ATP8B1: variants seen among roughly 807,000 people sequenced by gnomAD.
ATP8B1 encodes ATPase phospholipid transporting 8B1, also known as phospholipid-transporting ATPase IC.
ATP8B1 carries 80 observed loss-of-function variants against 149.9 expected under a neutral mutation model. The observed-to-expected ratio is 0.53, with a 90% CI of 0.45 to 0.64. The LOEUF is 0.64. ATP8B1 is among the 30% of genes least tolerant of loss of function. The probability of loss-of-function intolerance (pLI) is 0.00; values close to 1 mark genes in which losing one functional copy is unlikely to be tolerated. For missense variants in ATP8B1, 1,247 were observed against 1,552.6 expected (o/e 0.80, Z 3.31); for synonymous variants, 536 against 562.8 (o/e 0.95, Z 0.67).
rs187369274 is a variant in ATP8B1, at chr18:57,667,435, C to T, written c.2210-268G>A. The T allele has an allele frequency of 1.1e-4, 51 of 449,452 alleles. No individual in the cohort carries two copies. In the Admixed American group the frequency reaches 1.4e-3, roughly 13 times the overall value. The allele number at this position is 449,452 out of a possible 1,614,324, so 27.8% of individuals were successfully genotyped here. On this transcript the variant is annotated intron_variant, in intron 19 of 27. Coordinates refer to ENST00000648908, the MANE Select transcript of ATP8B1 (RefSeq NM_001374385.1). ...TAGAGATGGGGTTTTGTCATGTTTG[C>T]CAGGCTCATTCTTACTGTTGAACTG...
chr18:57,743,663 C>T (rs182251472), intron 1 of ATP8B1, among the ~76,000 whole-genome samples: 2 of 152,140 alleles, frequency 1.3e-5, no homozygotes, highest in East Asian at 1.9e-4. Flanking sequence ...GGCCCAGCAC[C>T]GGCGCAGGTG....
At chr18:57,680,757 C>T (rs1311798645) in intron 15 of ATP8B1, among the ~76,000 whole-genome samples, 1 of 152,074 alleles carries the variant, frequency 6.6e-6, no homozygotes, top group Non-Finnish European at 1.5e-5. Context: ...AGACCCCATA[C>T]TAATGCAAAC....
chr18:57,766,386 T>C (rs1269309729), intron 1 of ATP8B1, among the ~76,000 whole-genome samples: 1 of 152,114 alleles, frequency 6.6e-6, no homozygotes, highest in Non-Finnish European at 1.5e-5. Flanking sequence ...TTTAAACTGA[T>C]TTCAACTAAA....
intron 1 of ATP8B1, among the ~76,000 whole-genome samples, chr18:57,796,236 A>G (rs918430171): frequency 6.6e-6 from 1 of 152,190 alleles, no homozygotes; most frequent in Non-Finnish European, 1.5e-5. Flanking sequence ...ATCATAAGGA[A>G]CCTCTCCTCC....
chr18:57,747,030 T>C (rs2079970376), intron 1 of ATP8B1, among the ~76,000 whole-genome samples: 1 of 152,214 alleles, frequency 6.6e-6, no homozygotes, highest in South Asian at 2.1e-4. Flanking sequence ...TGAAATGTAG[T>C]CTGGGTCCAC....
At chr18:57,738,576 G>A (rs1485288413) in intron 1 of ATP8B1, among the ~76,000 whole-genome samples, 2 of 151,996 alleles carry the variant, frequency 1.3e-5, no homozygotes, top group Admixed American at 6.6e-5. Context: ...CTGAGATCGC[G>A]CCATTGCACT....
At chr18:57,718,211 T>C (rs2079603875) in intron 2 of ATP8B1, among the ~76,000 whole-genome samples, 1 of 151,358 alleles carries the variant, frequency 6.6e-6, no homozygotes, top group Non-Finnish European at 1.5e-5. Context: ...CAAAGATCAT[T>C]AGTGGCTACT....
At chr18:57,683,110 G>T (rs1353074365) in intron 15 of ATP8B1, among the ~76,000 whole-genome samples, 1 of 152,160 alleles carries the variant, frequency 6.6e-6, no homozygotes, top group African/African-American at 2.4e-5. Context: ...TTACAGGTGT[G>T]AGCCACCAAG....
intron 27 of ATP8B1, among the ~76,000 whole-genome samples, chr18:57,648,933 T>C (rs1434039735): frequency 6.6e-6 from 1 of 151,818 alleles, no homozygotes; most frequent in Non-Finnish European, 1.5e-5. Flanking sequence ...AGTCTCGCTC[T>C]GTCACCCAGA....
At chr18:57,701,777 C>G (rs1436211718) in intron 4 of ATP8B1, among the ~76,000 whole-genome samples, 4 of 151,438 alleles carry the variant, frequency 2.6e-5, no homozygotes, top group Non-Finnish European at 4.4e-5. Context: ...CTCAATGCAA[C>G]CTCCGCCTCC....
chr18:57,688,312 G>A lies in ATP8B1; in HGVS notation c.1416C>T (p.Asn472=), dbSNP rs145364328. 9 of 1,614,016 alleles carry A rather than the reference G, an allele frequency of 5.6e-6. No homozygotes were observed. The highest frequency in any genetic ancestry group is 2.7e-5 in the African/African-American group (2 of 75,026). Residue 472 remains asparagine (N), a synonymous_variant, in exon 13 of 28, where the codon AAC becomes AAT. Coordinates refer to ENST00000648908, the MANE Select transcript of ATP8B1 (RefSeq NM_001374385.1). ...GCTTCCACTTACCATATATCTGCCC[G>A]TTGATACAGCACTTTTTAAAGGTCA... is the stretch of plus-strand genomic sequence containing the variant. ...NIMTFKKCCI[N]GQIYGDHRDA...
intron 12 of ATP8B1, among the ~76,000 whole-genome samples, chr18:57,690,756 A>G (rs772136989): frequency 1.7e-4 from 26 of 152,190 alleles, no homozygotes; most frequent in Non-Finnish European, 3.7e-4. Flanking sequence ...TGTGATTCCT[A>G]TGTCTCTGGG....
intron 25 of ATP8B1, 132 bp from the exon 26 acceptor site, chr18:57,652,304 A>G: frequency 6.9e-7 from 1 of 1,440,684 alleles, no homozygotes; most frequent in Non-Finnish European, 9.6e-7. Flanking sequence ...CAGAAACTAA[A>G]CCATCCTTGA....
intron 1 of ATP8B1, among the ~76,000 whole-genome samples, chr18:57,763,108 T>C (rs2080172263): frequency 1.3e-5 from 2 of 152,092 alleles, no homozygotes; most frequent in African/African-American, 2.4e-5. Context: ...AAAATTGTAC[T>C]CTAGGCCGGG....
chr18:57,668,919 G>C, intron 18 of ATP8B1: 1 of 205,994 alleles, frequency 4.9e-6, no homozygotes, highest in Non-Finnish European at 9.6e-6. Context: ...CAAAAACTAT[G>C]TATTAAATTT....
chr18:57,749,547 T>A (rs1708462794), intron 1 of ATP8B1, among the ~76,000 whole-genome samples: 1 of 152,218 alleles, frequency 6.6e-6, no homozygotes, highest in Non-Finnish European at 1.5e-5. Context: ...TTCAACATGT[T>A]ACCAACCTGA....
chr18:57,800,053 A>G (rs973319771), intron 1 of ATP8B1, among the ~76,000 whole-genome samples: 2 of 152,246 alleles, frequency 1.3e-5, no homozygotes, highest in African/African-American at 4.8e-5. Flanking sequence ...CTGAATGTCA[A>G]CAGACCTGAA....
chr18:57,736,222 A>ACTAGT (rs2079853172), intron 1 of ATP8B1, among the ~76,000 whole-genome samples: 1 of 152,106 alleles, frequency 6.6e-6, no homozygotes, highest in African/African-American at 2.4e-5. Context: ...ATTTCTGGAT[A>ACTAGT]CTAGTCCTTA....
intron 2 of ATP8B1, among the ~76,000 whole-genome samples, chr18:57,716,532 A>G (rs74537470): frequency 0.011 from 1,628 of 152,322 alleles, 27 homozygotes; most frequent in African/African-American, 0.036. Context: ...AGAACAGGAT[A>G]CCTATATTTA....
Sources: gnomAD v4.1 joint callset for allele counts (sites outside exome capture counted in the v4.1 genomes callset) on GRCh38, gnomAD v4.1.1 for gene constraint, MANE v1.5 for transcripts, NCBI Gene and HGNC (gene_info 2026-07-23, HGNC 2026-07-21) for gene names.